The following SVEP1 variants were observed in gnomAD, a reference collection of about 807,000 sequenced individuals.
The protein encoded by SVEP1 is sushi, von Willebrand factor type A, EGF and pentraxin domain containing 1.
In SVEP1, 164 loss-of-function variants were observed where a neutral mutation model predicts 367.3. That is an observed-to-expected ratio of 0.45 (90% CI 0.39 to 0.51). The LOEUF (loss-of-function observed/expected upper bound fraction) is 0.51. Among genes scored for constraint, SVEP1 ranks in the 20% least tolerant of loss-of-function variants. The pLI, the probability that SVEP1 is intolerant of heterozygous loss-of-function variation, is 0.00. For synonymous variants in SVEP1, 1,666 were observed against 1,611.6 expected (o/e 1.03, Z -0.81); for missense variants, 4,117 against 4,425.3 (o/e 0.93, Z 1.98).
chr9:110,552,947 T>C (rs1467570084), intron 1 of SVEP1, among the ~76,000 whole-genome samples: 2 of 152,196 alleles, frequency 1.3e-5, no homozygotes, highest in Admixed American at 6.5e-5. Flanking sequence ...AATAAAGGTA[T>C]GGCAGTAGAT....
At chr9:110,546,317 G>T in intron 2 of SVEP1, 26 bp from the exon 3 acceptor site, 1 of 1,550,252 alleles carries the variant, frequency 6.5e-7, no homozygotes, top group South Asian at 1.2e-5. Flanking sequence ...GACAGAGGGC[G>T]ATAAAAATGA....
rs775653185 is a variant in SVEP1, at chr9:110,489,766, A to T, written c.1814T>A (p.Val605Asp). 6.2e-7 allele frequency: 1 copy of T among 1,612,958 alleles called. No homozygotes were observed. Among genetic ancestry groups the T allele is most frequent in the Non-Finnish European group, 8.5e-7 (1 of 1,179,328 alleles). ...GTAAGGTGGGGTGAAAGCTGGATGA[A>T]CGTGGACTGACACCTATTGGAGATA... Reference protein sequence around the residue: ...DNSGEKVSVHVHPAFTPPYLF... With the variant: ...DNSGEKVSVHDHPAFTPPYLF... Residue 605 changes from valine to aspartate, a missense_variant, in exon 9 of 48, where the codon GTT becomes GAT. This residue lies in a region of SVEP1 where 2,174 missense variants were observed against 2,494.3 expected (regional missense o/e 0.87). Coordinates refer to ENST00000374469, the MANE Select transcript of SVEP1 (RefSeq NM_153366.4).
intron 24 of SVEP1, among the ~76,000 whole-genome samples, chr9:110,448,167 G>T (rs545156786): frequency 0.16 from 10,247 of 63,348 alleles, 461 homozygotes; most frequent in Non-Finnish European, 0.18. Context: ...GTGTGTGCGC[G>T]CGCTCGCGCG....
rs56077443 is a variant in SVEP1, at chr9:110,572,789, C to CAAAAAAAAAAAAAAAAAAAAAAAAAA, written c.531+6198_531+6223dup. On this transcript the variant is annotated intron_variant, in intron 1 of 47. Transcript: ENST00000374469. ...AGAGGGTGACCCTCTCTCTCTCTCA[C>CAAAAAAAAAAAAAAAAAAAAAAAAAA]AAAAAAAAAAAAAAAAAAAAAAAAA... Among the ~76,000 whole-genome samples, 52 of 76,522 alleles carry CAAAAAAAAAAAAAAAAAAAAAAAAAA rather than the reference C, an allele frequency of 6.8e-4. 3 individuals are homozygous for CAAAAAAAAAAAAAAAAAAAAAAAAAA. Among genetic ancestry groups the CAAAAAAAAAAAAAAAAAAAAAAAAAA allele is most frequent in the Non-Finnish European group, 1.1e-3 (44 of 40,366 alleles). 50.2% of individuals were successfully genotyped at this position (76,522 alleles called of 152,430 possible).
chr9:110,578,772 T>TCGAAGC (rs1400812796), intron 1 of SVEP1, among the ~76,000 whole-genome samples: 2 of 152,166 alleles, frequency 1.3e-5, no homozygotes, highest in African/African-American at 4.8e-5. Flanking sequence ...AACAGGGTCC[T>TCGAAGC]CGAAGCCGAC....
At chr9:110,379,024 A>T (rs146886632) in intron 44 of SVEP1, among the ~76,000 whole-genome samples, 214 of 151,294 alleles carry the variant, frequency 1.4e-3, no homozygotes, top group African/African-American at 5.0e-3. Context: ...CTTCTAGCAA[A>T]TATTTGTAGA....
At position 110,572,789 on chromosome 9, in the gene SVEP1, C is replaced by CAAAAAAAAAAAAAAAAAA. The variant is rs56077443; in HGVS notation, c.531+6206_531+6223dup. On this transcript the variant is annotated intron_variant, in intron 1 of 47. Transcript: ENST00000374469. ...AGAGGGTGACCCTCTCTCTCTCTCACAAAAAAAAAAAAAAAAAAAAAAAAA... is the reference window on the plus strand; with the variant it reads ...AGAGGGTGACCCTCTCTCTCTCTCACAAAAAAAAAAAAAAAAAAAAAAAAAAAAAAAAAAAAAAAAAAA... 2.7e-4 allele frequency among the ~76,000 whole-genome samples: 21 copies of CAAAAAAAAAAAAAAAAAA among 76,522 alleles called. 1 individual carries two copies. The highest frequency in any genetic ancestry group is 1.0e-3 in the South Asian group (2 of 1,922). 50.2% of individuals were successfully genotyped at this position (76,522 alleles called of 152,430 possible). A position where few individuals can be genotyped will look rare whatever the true frequency, so the allele number is the denominator to read the frequency against.
At chr9:110,552,024 CTTTTTTTTT>C (rs34366561) in intron 1 of SVEP1, among the ~76,000 whole-genome samples, 1 of 77,036 alleles carries the variant, frequency 1.3e-5, no homozygotes, top group Non-Finnish European at 2.4e-5. Context: ...GGTACCCAAC[CTTTTTTTTT>C]TTTTTTTTTT....
At chr9:110,390,265 A>ACACATACT (rs1564127436) in intron 40 of SVEP1, among the ~76,000 whole-genome samples, 3,341 of 83,858 alleles carry the variant, frequency 0.04, 326 homozygotes, top group Middle Eastern at 0.07. Context: ...ATAAGTATGT[A>ACACATACT]TATATATACT....
At chr9:110,499,382 GTATAA>G in intron 6 of SVEP1, 144 bp from the exon 7 acceptor site, 1 of 702,096 alleles carries the variant, frequency 1.4e-6, no homozygotes, top group Non-Finnish European at 2.3e-6. Context: ...GACATTGAAT[GTATAA>G]TATATTGTAA....
chr9:110,514,513 C>CA (rs71978747), intron 3 of SVEP1, among the ~76,000 whole-genome samples: 2,480 of 109,350 alleles, frequency 0.023, 72 homozygotes, highest in African/African-American at 0.066. Flanking sequence ...AACTCCATCT[C>CA]AAAAAAAAAA....
chr9:110,430,107 CTT>C (rs11331398), intron 33 of SVEP1, 103 bp from the exon 34 acceptor site: 80,870 of 907,364 alleles, frequency 0.089, no homozygotes, highest in South Asian at 0.11. Flanking sequence ...TGTTTGTTTT[CTT>C]TTTTTTTTTT....
At chr9:110,530,118 T>C (rs1233934912) in intron 3 of SVEP1, among the ~76,000 whole-genome samples, 1 of 152,148 alleles carries the variant, frequency 6.6e-6, no homozygotes, top group Non-Finnish European at 1.5e-5. Flanking sequence ...GATGATCACG[T>C]GGTTTTTGTA....
chr9:110,512,641 C>T, intron 5 of SVEP1: 1 of 447,030 alleles, frequency 2.2e-6, no homozygotes, highest in East Asian at 4.8e-5. Context: ...TATATCATGT[C>T]TTAGAGGCTT....
chr9:110,408,569 A>T lies in SVEP1; in HGVS notation c.7031T>A (p.Val2344Asp), dbSNP rs764705619. 5.0e-6 allele frequency: 8 copies of T among 1,612,910 alleles called. No individual in the cohort carries two copies. The highest frequency in any genetic ancestry group is 6.8e-6 in the Non-Finnish European group (8 of 1,179,512). The change falls in exon 38 of 48, where the codon GTT becomes GAT. Residue 2344 changes from valine to aspartate, a missense_variant. Val to Asp is a radical substitution (Grantham distance 152). This residue lies in a region of SVEP1 where 1,765 missense variants were observed against 1,781.1 expected (regional missense o/e 0.99). Coordinates refer to ENST00000374469, the MANE Select transcript of SVEP1 (RefSeq NM_153366.4). Reference sequence around the variant, plus strand: ...CCCTTCTTTACAGGAAAATGTCACAACTCCTACCTCGGTGGTCAACTCCTT... The same window carrying T: ...CCCTTCTTTACAGGAAAATGTCACATCTCCTACCTCGGTGGTCAACTCCTT... ...VLKELTTEVG[V>D]VTFSCKEGHV... is the part of the protein sequence containing the mutation.
intron 45 of SVEP1, 52 bp from the exon 46 acceptor site, chr9:110,375,515 G>T: frequency 2.1e-6 from 3 of 1,435,718 alleles, no homozygotes; most frequent in Non-Finnish European, 2.8e-6. Flanking sequence ...TTGAAATGGC[G>T]TTGATCAAAG....
At chr9:110,576,171 C>T (rs1830624882) in intron 1 of SVEP1, among the ~76,000 whole-genome samples, 1 of 151,968 alleles carries the variant, frequency 6.6e-6, no homozygotes, top group South Asian at 2.1e-4. Flanking sequence ...GAGATATGGA[C>T]AAAGATTTAG....
chr9:110,368,361 G>C (rs1827229097), intron 47 of SVEP1, among the ~76,000 whole-genome samples: 2 of 152,190 alleles, frequency 1.3e-5, no homozygotes, highest in African/African-American at 4.8e-5. Flanking sequence ...GGAGGAACCT[G>C]TCTGGTCCTC....
intron 1 of SVEP1, among the ~76,000 whole-genome samples, chr9:110,566,181 G>C (rs1160096930): frequency 2.0e-5 from 3 of 151,696 alleles, no homozygotes; most frequent in Non-Finnish European, 4.4e-5. Context: ...AATTAGCCAG[G>C]TGTGGTGGCT....
Sources: gnomAD v4.1 joint callset for allele counts (sites outside exome capture counted in the v4.1 genomes callset) on GRCh38, gnomAD v4.1.1 for gene constraint, gnomAD v4.1.1 regional missense constraint, MANE v1.5 for transcripts, NCBI Gene and HGNC (gene_info 2026-07-23, HGNC 2026-07-21) for gene names.